Variants in CSMD3 observed in about 807,000 individuals in gnomAD.
CSMD3 encodes CUB and Sushi multiple domains 3, also known as CUB and sushi domain-containing protein 3.
Under a neutral mutation model 435.2 loss-of-function variants are expected in CSMD3, and 177 were observed. The observed-to-expected ratio is 0.41, with a 90% CI of 0.36 to 0.46. The LOEUF (loss-of-function observed/expected upper bound fraction) is 0.46. Among genes scored for constraint, CSMD3 ranks in the 20% least tolerant of loss-of-function variants. The pLI, the probability that CSMD3 is intolerant of heterozygous loss-of-function variation, is 0.34. For missense variants in CSMD3, 4,265 were observed against 4,504.6 expected (o/e 0.95, Z 1.52); for synonymous variants, 1,656 against 1,520.5 (o/e 1.09, Z -2.07).
At chr8:113,052,198 T>A (rs916350358) in intron 5 of CSMD3, among the ~76,000 whole-genome samples, 1 of 152,226 alleles carries the variant, frequency 6.6e-6, no homozygotes, top group Non-Finnish European at 1.5e-5. Flanking sequence ...GGGAATTAGA[T>A]GTATCTGTGA....
At chr8:113,399,588 A>G (rs2094500470) in intron 1 of CSMD3, among the ~76,000 whole-genome samples, 1 of 152,120 alleles carries the variant, frequency 6.6e-6, no homozygotes, top group South Asian at 2.1e-4. Context: ...AATTTTCAGA[A>G]TAGACAACAT....
intron 35 of CSMD3, among the ~76,000 whole-genome samples, chr8:112,398,812 G>C (rs1051668150): frequency 2.0e-5 from 3 of 152,106 alleles, no homozygotes. Flanking sequence ...CCTGGCTTCT[G>C]TTTAGATGGC....
At chr8:113,215,165 T>A (rs1016004558) in intron 3 of CSMD3, among the ~76,000 whole-genome samples, 1 of 151,904 alleles carries the variant, frequency 6.6e-6, no homozygotes, top group African/African-American at 2.4e-5. Flanking sequence ...TATATTTGCT[T>A]TGCTTATAAT....
chr8:112,581,367 T>A lies in CSMD3; in HGVS notation c.3885+5699A>T, dbSNP rs78502572. On this transcript the variant is annotated intron_variant, in intron 23 of 70. Transcript: ENST00000297405. ...TATGTTTTCAAAGGTTAGAATAAAT[T>A]TGTGTAATGTTGATTGAGTGGGCAT... Among the ~76,000 whole-genome samples, 70 of 152,164 alleles carry A rather than the reference T, an allele frequency of 4.6e-4. 1 individual carries two copies. The East Asian group carries it at 0.014, about 29-fold the overall frequency.
At chr8:112,960,084 G>A (rs2084171279) in intron 7 of CSMD3, among the ~76,000 whole-genome samples, 1 of 151,710 alleles carries the variant, frequency 6.6e-6, no homozygotes, top group African/African-American at 2.4e-5. Flanking sequence ...ATGTGTAGGG[G>A]AGTTATAAAA....
rs1387011370 is a variant in CSMD3, at chr8:112,656,215, T to C, written c.2943A>G (p.Ile981Met). The change falls in exon 18 of 71, where the codon ATA becomes ATG. Residue 981 changes from isoleucine to methionine, a missense_variant. This residue lies in a region of CSMD3 where 3,255 missense variants were observed against 3,380.2 expected (regional missense o/e 0.96). Coordinates refer to ENST00000297405, the MANE Select transcript of CSMD3 (RefSeq NM_198123.2). ...PQFLFSSSNF[I>M]YLLFTTDNSR... ...TGTTGTCTGTTGTAAATAGAAGGTA[T>C]ATAAAATTACTGCTACTAAATAGAA... 1 of 1,590,980 alleles carries C rather than the reference T, an allele frequency of 6.3e-7. No homozygotes were observed. The highest frequency in any genetic ancestry group is 1.7e-5 in the Admixed American group (1 of 59,960).
intron 22 of CSMD3, among the ~76,000 whole-genome samples, chr8:112,628,415 T>C (rs1834668505): frequency 6.6e-6 from 1 of 151,550 alleles, no homozygotes; most frequent in Non-Finnish European, 1.5e-5. Context: ...GGTTGGTTGG[T>C]TGGTTGGTTT....
intron 61 of CSMD3, among the ~76,000 whole-genome samples, chr8:112,263,151 A>C (rs905865119): frequency 3.3e-5 from 5 of 151,478 alleles, no homozygotes; most frequent in African/African-American, 1.2e-4. Context: ...AAAAAAAAAA[A>C]AAAGGCAAAA....
chr8:113,163,596 GATA>G (rs2092089368), intron 4 of CSMD3, among the ~76,000 whole-genome samples: 2 of 151,918 alleles, frequency 1.3e-5, no homozygotes, highest in Non-Finnish European at 1.5e-5. Flanking sequence ...AAAAAATTAA[GATA>G]ATATTAATGC....
Position 113,237,046 on chromosome 8 carries a change from A to G in CSMD3, c.514+41546T>C, listed in dbSNP as rs1009552529. On this transcript the variant is annotated intron_variant, in intron 3 of 70. Coordinates refer to ENST00000297405, the MANE Select transcript of CSMD3 (RefSeq NM_198123.2). ...GGGTTCCCTTTAGGAGAACAAAAGA[A>G]ACATCATGCTTGACAATATTCTGTG... Among the ~76,000 whole-genome samples, 3 of 152,170 alleles carry G rather than the reference A, an allele frequency of 2.0e-5. No individual in the cohort carries two copies. The South Asian group carries it at 6.2e-4, about 32-fold the overall frequency.
intron 5 of CSMD3, among the ~76,000 whole-genome samples, chr8:113,067,978 A>C (rs1443689183): frequency 1.3e-5 from 2 of 152,090 alleles, no homozygotes; most frequent in African/African-American, 2.4e-5. Context: ...CACCTAATTG[A>C]CTACAAGGGA....
chr8:112,973,976 T>C (rs557923657), intron 7 of CSMD3, among the ~76,000 whole-genome samples: 1 of 152,020 alleles, frequency 6.6e-6, no homozygotes, highest in Admixed American at 6.5e-5. Context: ...GGAATACATT[T>C]CCAAGGTACA....
chr8:112,754,002 G>T (rs991784943), intron 13 of CSMD3, among the ~76,000 whole-genome samples: 4 of 152,150 alleles, frequency 2.6e-5, no homozygotes, highest in Non-Finnish European at 5.9e-5. Context: ...CTAGAGAAAG[G>T]CTGAATAAGA....
intron 5 of CSMD3, among the ~76,000 whole-genome samples, chr8:113,092,016 A>T (rs76926469): frequency 8.1e-4 from 123 of 152,148 alleles, no homozygotes; most frequent in African/African-American, 2.8e-3. Flanking sequence ...ATTTTTGGCA[A>T]TAAAGATCAT....
rs2130258300 is a variant in CSMD3 at position 112,254,300 on chromosome 8, G to A, written c.10063C>T (p.Pro3355Ser). The A allele has an allele frequency of 6.2e-7, 1 of 1,612,476 alleles. No homozygotes were observed. The highest frequency in any genetic ancestry group is 8.5e-7 in the Non-Finnish European group (1 of 1,178,798). The change falls in exon 63 of 71, where the codon CCA (proline) becomes TCA (serine). Residue 3355 changes from proline (P) to serine (S), a missense_variant. Physicochemically the swap from Pro to Ser is moderately conservative, Grantham distance 74. Coordinates refer to ENST00000297405, the MANE Select transcript of CSMD3 (RefSeq NM_198123.2). ...IEPTQTSCEN[P>S]GVPRHGSQNN... The stretch of plus-strand genomic sequence containing the variant: ...TGAGATCCATGCCGAGGCACACCTG[G>A]GTTTTCACAAGAGGTTTGGGTAGGC...
intron 1 of CSMD3, among the ~76,000 whole-genome samples, chr8:113,423,975 A>G (rs1464110235): frequency 6.6e-6 from 1 of 151,838 alleles, no homozygotes; most frequent in East Asian, 1.9e-4. Context: ...TAGGAAAAAA[A>G]CCTTTACTAT....
chr8:112,812,871 C>G (rs1198739898), intron 12 of CSMD3, among the ~76,000 whole-genome samples: 1 of 151,998 alleles, frequency 6.6e-6, no homozygotes, highest in Non-Finnish European at 1.5e-5. Context: ...AAATATTTTT[C>G]AAGAATTGAA....
At chr8:113,066,004 T>C (rs2088837806) in intron 5 of CSMD3, among the ~76,000 whole-genome samples, 2 of 151,076 alleles carry the variant, frequency 1.3e-5, no homozygotes, top group African/African-American at 4.8e-5. Flanking sequence ...CTTTATACAG[T>C]GATAAATAAA....
At chr8:112,651,521 T>C (rs748841956) in intron 18 of CSMD3, among the ~76,000 whole-genome samples, 1 of 152,008 alleles carries the variant, frequency 6.6e-6, no homozygotes, top group Non-Finnish European at 1.5e-5. Flanking sequence ...GTGACCATTA[T>C]TTTTCTAAGC....
Sources: allele counts gnomAD v4.1 joint callset (sites outside exome capture counted in the v4.1 genomes callset), GRCh38; gene constraint gnomAD v4.1.1; regional missense constraint gnomAD v4.1.1; transcripts MANE v1.5; gene names NCBI Gene and HGNC (gene_info 2026-07-23, HGNC 2026-07-21).